Variants in LRP1B observed in about 807,000 individuals in gnomAD.
LRP1B encodes the protein LDL receptor related protein 1B.
Under a neutral mutation model 556.6 loss-of-function variants are expected in LRP1B, and 217 were observed. The ratio of observed to expected loss-of-function variants is 0.39; its 90% CI spans 0.35 to 0.44. LRP1B has a LOEUF of 0.44. Ranked by LOEUF, LRP1B falls within the 20% of genes least tolerant of loss-of-function variation. The pLI is 1.00. For synonymous variants in LRP1B, 2,047 were observed against 1,865.8 expected (o/e 1.10, Z -2.50); for missense variants, 5,053 against 5,620.8 (o/e 0.90, Z 3.23).
At chr2:141,336,266 C>T (rs774035247) in intron 3 of LRP1B, among the ~76,000 whole-genome samples, 5 of 152,112 alleles carry the variant, frequency 3.3e-5, no homozygotes, top group Admixed American at 2.0e-4. Flanking sequence ...TATAAGTTTA[C>T]TGCACCTCCT....
chr2:141,623,410 C>G (rs1004469709), intron 2 of LRP1B, among the ~76,000 whole-genome samples: 1 of 152,108 alleles, frequency 6.6e-6, no homozygotes, highest in Non-Finnish European at 1.5e-5. Context: ...TTTGACCAAG[C>G]GGAATTCCAA....
chr2:141,128,682 G>A (rs530585883), intron 7 of LRP1B, among the ~76,000 whole-genome samples: 99 of 145,140 alleles, frequency 6.8e-4, no homozygotes, highest in Admixed American at 1.3e-3. Flanking sequence ...GTGCGATGGC[G>A]TGATCTTGGC....
intron 7 of LRP1B, among the ~76,000 whole-genome samples, chr2:141,149,126 G>T (rs1468633165): frequency 6.6e-6 from 1 of 152,024 alleles, no homozygotes; most frequent in African/African-American, 2.4e-5. Context: ...GAATGTTCAA[G>T]AGAAATGTAA....
At chr2:140,902,600 C>A (rs1050610883) in intron 23 of LRP1B, among the ~76,000 whole-genome samples, 5 of 152,028 alleles carry the variant, frequency 3.3e-5, no homozygotes, top group Admixed American at 2.6e-4. Flanking sequence ...TGGGGCAGGA[C>A]CCCCTAAAAA....
At position 141,736,200 on chromosome 2, in the gene LRP1B, C is replaced by T. The variant is rs147615618; in HGVS notation, c.205+74079G>A. ...GCTGAGAATAAAATTGCCACTTTCT[C>T]TTCATAATGGCTCTGGATGGGCTTG... On this transcript the variant is annotated intron_variant, in intron 2 of 90. Transcript: ENST00000389484. Among the ~76,000 whole-genome samples, 207 of 152,246 alleles carry T rather than the reference C, an allele frequency of 1.4e-3. 2 individuals carry two copies. The highest frequency in any genetic ancestry group is 4.8e-3 in the African/African-American group (198 of 41,566).
intron 66 of LRP1B, among the ~76,000 whole-genome samples, chr2:140,416,852 A>T (rs1685224738): frequency 6.6e-6 from 1 of 152,160 alleles, no homozygotes; most frequent in Non-Finnish European, 1.5e-5. Context: ...CCTCTTGCCC[A>T]CACTGCACAC....
At chr2:140,247,249 A>G in intron 86 of LRP1B, 87 bp from the exon 87 acceptor site, 1 of 824,224 alleles carries the variant, frequency 1.2e-6, no homozygotes, top group South Asian at 1.4e-5. Context: ...ACCAAATGAA[A>G]GGTTACAGGA....
intron 2 of LRP1B, among the ~76,000 whole-genome samples, chr2:141,661,148 G>A (rs1262841253): frequency 1.3e-5 from 2 of 152,092 alleles, no homozygotes; most frequent in African/African-American, 2.4e-5. Context: ...TCAACAAAAT[G>A]TTCCCACAAA....
intron 35 of LRP1B, among the ~76,000 whole-genome samples, chr2:140,762,445 AG>A (rs1688959480): frequency 6.6e-6 from 1 of 152,132 alleles, no homozygotes; most frequent in South Asian, 2.1e-4. Flanking sequence ...CCTGTGATGT[AG>A]TAAGTGTGCA....
chr2:141,150,554 A>C (rs1039952444), intron 7 of LRP1B, among the ~76,000 whole-genome samples: 1 of 152,154 alleles, frequency 6.6e-6, no homozygotes. Context: ...TATAAGTCCA[A>C]TTCATATTTC....
chr2:141,604,913 C>G (rs373565105), intron 2 of LRP1B, among the ~76,000 whole-genome samples: 1 of 152,028 alleles, frequency 6.6e-6, no homozygotes, highest in African/African-American at 2.4e-5. Flanking sequence ...CCCTGGAACA[C>G]GGGTACAAGC....
At chr2:142,042,117 G>A (rs1704086401) in intron 1 of LRP1B, among the ~76,000 whole-genome samples, 1 of 151,304 alleles carries the variant, frequency 6.6e-6, no homozygotes, top group South Asian at 2.1e-4. Context: ...TGTGCTGTAA[G>A]CTAGCCATAC....
At chr2:142,108,849 T>A (rs1271398290) in intron 1 of LRP1B, among the ~76,000 whole-genome samples, 2 of 152,234 alleles carry the variant, frequency 1.3e-5, no homozygotes, top group Non-Finnish European at 2.9e-5. Flanking sequence ...AAGAATCCTA[T>A]AGATACTCAC....
chr2:140,423,542 A>G (rs1685536868), intron 66 of LRP1B, among the ~76,000 whole-genome samples: 1 of 152,158 alleles, frequency 6.6e-6, no homozygotes, highest in Non-Finnish European at 1.5e-5. Context: ...TTATTCATCC[A>G]AATTAAAAAG....
intron 16 of LRP1B, among the ~76,000 whole-genome samples, chr2:140,993,772 A>C (rs1469326102): frequency 1.3e-5 from 2 of 152,062 alleles, no homozygotes; most frequent in Non-Finnish European, 2.9e-5. Flanking sequence ...AGAGCAACTA[A>C]AATGATAATA....
chr2:141,328,529 A>G (rs1687515765), intron 3 of LRP1B, among the ~76,000 whole-genome samples: 1 of 152,230 alleles, frequency 6.6e-6, no homozygotes, highest in Non-Finnish European at 1.5e-5. Flanking sequence ...CCCAAGATAT[A>G]ACTTCAGGGA....
intron 43 of LRP1B, among the ~76,000 whole-genome samples, chr2:140,582,119 A>G (rs1050774016): frequency 6.6e-6 from 1 of 152,214 alleles, no homozygotes; most frequent in South Asian, 2.1e-4. Flanking sequence ...TGCCAAAACC[A>G]TAATTAAAAA....
At chr2:140,359,638 G>A (rs1234068172) in intron 72 of LRP1B, among the ~76,000 whole-genome samples, 1 of 151,534 alleles carries the variant, frequency 6.6e-6, no homozygotes, top group Non-Finnish European at 1.5e-5. Context: ...CCAGGATTCT[G>A]TCCTTGTTCC....
chr2:141,946,621 G>A (rs1700961823), intron 1 of LRP1B, among the ~76,000 whole-genome samples: 1 of 152,076 alleles, frequency 6.6e-6, no homozygotes, highest in Admixed American at 6.6e-5. Context: ...TGCTAAACTG[G>A]TAGAAAAATG....
Sources: allele counts gnomAD v4.1 joint callset (sites outside exome capture counted in the v4.1 genomes callset), GRCh38; gene constraint gnomAD v4.1.1; transcripts MANE v1.5; gene names NCBI Gene and HGNC (gene_info 2026-07-23, HGNC 2026-07-21).